JAK2: variants seen among roughly 807,000 people sequenced by gnomAD.
JAK2 encodes tyrosine-protein kinase JAK2.
JAK2 carries 86 observed loss-of-function variants against 139.3 expected under a neutral mutation model. That is an observed-to-expected ratio of 0.62 (90% CI 0.52 to 0.74). The LOEUF is 0.74. JAK2 is among the 30% of genes least tolerant of loss of function. The probability of loss-of-function intolerance (pLI) is 0.00; values close to 1 mark genes in which losing one functional copy is unlikely to be tolerated. For synonymous variants in JAK2, 490 were observed against 437.7 expected (o/e 1.12, Z -1.49); for missense variants, 1,421 against 1,360.3 (o/e 1.04, Z -0.70).
At chr9:5,112,226 G>A (rs572231770) in intron 22 of JAK2, 4 of 269,714 alleles carry the variant, frequency 1.5e-5, no homozygotes, top group Middle Eastern at 1.4e-3. Flanking sequence ...GGGGCAGCAC[G>A]CAGGCCTGGT....
At chr9:5,042,366 T>C (rs1281449335) in intron 4 of JAK2, among the ~76,000 whole-genome samples, 1 of 151,184 alleles carries the variant, frequency 6.6e-6, no homozygotes, top group Non-Finnish European at 1.5e-5. Context: ...CTCGATCTCC[T>C]GACCTCATGA....
chr9:5,103,166 A>G (rs1821654991), intron 22 of JAK2, among the ~76,000 whole-genome samples: 1 of 147,754 alleles, frequency 6.8e-6, no homozygotes, highest in South Asian at 2.2e-4. Context: ...TGTGCAGAGA[A>G]ACACATGGGC....
intron 2 of JAK2, among the ~76,000 whole-genome samples, chr9:5,007,710 T>C (rs1821399703): frequency 6.6e-6 from 1 of 151,010 alleles, no homozygotes; most frequent in Non-Finnish European, 1.5e-5. Flanking sequence ...AGAATTATTA[T>C]TATTATTATA....
intron 4 of JAK2, among the ~76,000 whole-genome samples, chr9:5,039,227 C>T (rs988884621): frequency 1.3e-5 from 2 of 151,998 alleles, no homozygotes; most frequent in African/African-American, 4.8e-5. Flanking sequence ...GTAGTCATCC[C>T]GCTGTATCCA....
chr9:5,018,089 A>C (rs1822188496), intron 2 of JAK2, among the ~76,000 whole-genome samples: 1 of 152,174 alleles, frequency 6.6e-6, no homozygotes. Context: ...TAATCTATTT[A>C]CATTCAAGTT....
intron 2 of JAK2, among the ~76,000 whole-genome samples, chr9:4,989,790 C>A (rs912063708): frequency 6.6e-6 from 1 of 152,020 alleles, no homozygotes; most frequent in South Asian, 2.1e-4. Flanking sequence ...GAGAGCAGTA[C>A]ATAAATAACT....
chr9:5,006,077 C>T (rs547979376), intron 2 of JAK2, among the ~76,000 whole-genome samples: 7 of 152,238 alleles, frequency 4.6e-5, no homozygotes, highest in Admixed American at 1.3e-4. Context: ...CTATAAATGA[C>T]CTTGGGCAGT....
Position 5,127,161 on chromosome 9 carries a change from GT to G in JAK2, c.*375del. ...AAGATGCACAGAATATGTATGTATA[GT>G]TTTTACCACAGTGGATGTATAATAC... On this transcript the variant is annotated 3_prime_UTR_variant, in exon 25 of 25. Transcript: ENST00000381652. 4.1e-6 allele frequency: 1 copy of G among 243,568 alleles called. No individual in the cohort carries two copies. The allele number at this position is 243,568 out of a possible 1,614,324, so 15.1% of individuals were successfully genotyped here.
chr9:5,080,203 C>T (rs2130604358), intron 16 of JAK2, 26 bp from the exon 17 acceptor site: 9 of 1,557,580 alleles, frequency 5.8e-6, no homozygotes, highest in African/African-American at 1.4e-5. Context: ...ATTATTTAAC[C>T]CTACTCTGTT....
rs760606942 is a variant in JAK2 at position 4,985,294 on chromosome 9, C to G, written c.-445C>G. On this transcript the variant is annotated 5_prime_UTR_variant, in exon 1 of 25. Coordinates refer to ENST00000381652, the MANE Select transcript of JAK2 (RefSeq NM_004972.4). ...AGCAGAAGGGGGCAGCAGCGGACGC[C>G]GCTAACGGCCTCCCTCGGCGCTGAC... is the stretch of plus-strand genomic sequence containing the variant. 6.6e-6 allele frequency: 1 copy of G among 152,320 alleles called. No individual in the cohort carries two copies. The allele number at this position is 152,320 out of a possible 1,614,324, so 9.4% of individuals were successfully genotyped here.
chr9:5,079,744 C>T (rs543431727), intron 16 of JAK2, among the ~76,000 whole-genome samples: 1 of 151,920 alleles, frequency 6.6e-6, no homozygotes, highest in East Asian at 1.9e-4. Flanking sequence ...CACTTAAGCC[C>T]AAGAGGTCAA....
intron 3 of JAK2, among the ~76,000 whole-genome samples, chr9:5,026,052 G>A (rs1288204714): frequency 6.6e-6 from 1 of 152,020 alleles, no homozygotes; most frequent in Non-Finnish European, 1.5e-5. Context: ...ATTTTGCAAA[G>A]AATCATCTTT....
At chr9:4,992,391 T>A (rs954689422) in intron 2 of JAK2, among the ~76,000 whole-genome samples, 6 of 152,118 alleles carry the variant, frequency 3.9e-5, no homozygotes. Context: ...GTTGTAAGGG[T>A]CAGAAGCCTG....
intron 4 of JAK2, among the ~76,000 whole-genome samples, chr9:5,036,536 C>A (rs971714779): frequency 6.6e-6 from 1 of 151,092 alleles, no homozygotes; most frequent in Non-Finnish European, 1.5e-5. Context: ...GAGATATAGA[C>A]CAATGGAAAG....
intron 22 of JAK2, among the ~76,000 whole-genome samples, chr9:5,095,881 AG>A (rs1330101709): frequency 2.6e-5 from 4 of 152,230 alleles, no homozygotes; most frequent in African/African-American, 9.6e-5. Flanking sequence ...TCTAGCACTT[AG>A]CCTAAGTATA....
At chr9:5,048,224 C>G (rs535756348) in intron 5 of JAK2, among the ~76,000 whole-genome samples, 3 of 152,184 alleles carry the variant, frequency 2.0e-5, no homozygotes, top group African/African-American at 7.2e-5. Flanking sequence ...TCACTGCAAC[C>G]TCTGCCTCCC....
At chr9:5,094,648 C>T (rs562350029) in intron 22 of JAK2, 3 of 152,162 alleles carry the variant, frequency 2.0e-5, no homozygotes, top group Admixed American at 6.5e-5. Context: ...CTAGCAAAAA[C>T]TAACCGAGCC....
chr9:5,029,940 T>TA (rs760684817), intron 4 of JAK2, 34 bp downstream of exon 4: 1 of 1,540,838 alleles, frequency 6.5e-7, no homozygotes, highest in Admixed American at 2.1e-5. Context: ...CACTTAATGC[T>TA]AAAAGGCAAA....
At chr9:5,031,806 T>A (rs1823166901) in intron 4 of JAK2, among the ~76,000 whole-genome samples, 1 of 152,076 alleles carries the variant, frequency 6.6e-6, no homozygotes, top group South Asian at 2.1e-4. Flanking sequence ...TAGGAACAGG[T>A]CCAGTCTACA....
Sources: gnomAD v4.1 joint callset for allele counts (sites outside exome capture counted in the v4.1 genomes callset) on GRCh38, gnomAD v4.1.1 for gene constraint, MANE v1.5 for transcripts, NCBI Gene and HGNC (gene_info 2026-07-23, HGNC 2026-07-21) for gene names.